DTX4: variants seen among roughly 807,000 people sequenced by gnomAD.
The protein encoded by DTX4 is deltex E3 ubiquitin ligase 4, also known as E3 ubiquitin-protein ligase DTX4.
Under a neutral mutation model 57.6 loss-of-function variants are expected in DTX4, and 28 were observed. The ratio of observed to expected loss-of-function variants is 0.49; its 90% CI spans 0.36 to 0.67. The LOEUF (loss-of-function observed/expected upper bound fraction) is 0.67, where lower values mean the gene tolerates loss of function less well. Ranked by LOEUF, DTX4 falls within the 30% of genes least tolerant of loss-of-function variation. The probability of loss-of-function intolerance (pLI) is 0.00; values close to 1 mark genes in which losing one functional copy is unlikely to be tolerated. For synonymous variants in DTX4, 316 were observed against 331.0 expected (o/e 0.95, Z 0.49); for missense variants, 715 against 836.8 (o/e 0.85, Z 1.80).
Position 59,206,208 on chromosome 11 carries a change from A to G in DTX4, c.*1299A>G, listed in dbSNP as rs1305064552. 3 of 152,296 alleles carry G rather than the reference A, an allele frequency of 2.0e-5. No homozygotes were observed. Among genetic ancestry groups the G allele is most frequent in the African/African-American group, 4.8e-5 (2 of 41,424 alleles). The allele number at this position is 152,296 out of a possible 1,614,324, so 9.4% of individuals were successfully genotyped here. On this transcript the variant is annotated 3_prime_UTR_variant, in exon 9 of 9. Transcript: ENST00000227451. ...GGGTCCCTCATCTCCCTCATCTATT[A>G]TAGATTGACTTACAGCAGGGAGAGA...
chr11:59,172,936 G>GT (rs1437250776), intron 1 of DTX4, 130 bp downstream of exon 1: 1 of 613,578 alleles, frequency 1.6e-6, no homozygotes, highest in East Asian at 3.3e-5. Flanking sequence ...CCAAGAGGTG[G>GT]TGGTGGGAGG....
rs75007399 is a variant in DTX4 at position 59,201,696 on chromosome 11, G to C, written c.1626+1923G>C. Among the ~76,000 whole-genome samples, 3 of 152,132 alleles carry C rather than the reference G, an allele frequency of 2.0e-5. 1 individual carries two copies. In the South Asian group the frequency reaches 6.2e-4, roughly 32 times the overall value. Reference sequence around the variant, plus strand: ...AAGATGTGCGAGTGCAGTGTCCCCAGATTAGGGGTCAGGACCATCCCTGAT... The same window carrying C: ...AAGATGTGCGAGTGCAGTGTCCCCACATTAGGGGTCAGGACCATCCCTGAT... On this transcript the variant is annotated intron_variant, in intron 8 of 8. Coordinates refer to ENST00000227451, the MANE Select transcript of DTX4 (RefSeq NM_015177.2).
chr11:59,200,359 G>T (rs1862726098), intron 8 of DTX4, among the ~76,000 whole-genome samples: 1 of 152,180 alleles, frequency 6.6e-6, no homozygotes, highest in African/African-American at 2.4e-5. Flanking sequence ...ATGTCAGTTT[G>T]TTTCCTCTCT....
chr11:59,191,127 G>T lies in DTX4; in HGVS notation c.1173G>T (p.Glu391Asp). The T allele has an allele frequency of 6.4e-7, 1 of 1,572,220 alleles. No homozygotes were observed. The highest frequency in any genetic ancestry group is 2.4e-5 in the East Asian group (1 of 42,448). The stretch of plus-strand genomic sequence containing the variant: ...CTGTCTCTGCAGGTAAAACCCCAGA[G>T]GAAGTGCTAAAAAAATATCTACAGA... ...KKQAKKGKTP[E>D]EVLKKYLQKV... is the part of the protein sequence containing the mutation. The change falls in exon 5 of 9, where the codon GAG becomes GAT. Residue 391 changes from glutamate (E) to aspartate (D), a missense_variant. By Grantham distance (45) the Glu-to-Asp change is conservative. Transcript: ENST00000227451.
intron 2 of DTX4, among the ~76,000 whole-genome samples, chr11:59,187,690 C>A (rs561596522): frequency 1.3e-5 from 2 of 152,334 alleles, no homozygotes; most frequent in South Asian, 4.1e-4. Context: ...CCAAGCCCAG[C>A]TGCAGGAGTG....
chr11:59,201,078 G>A (rs1293821465), intron 8 of DTX4, among the ~76,000 whole-genome samples: 1 of 152,154 alleles, frequency 6.6e-6, no homozygotes, highest in Admixed American at 6.5e-5. Flanking sequence ...GGCACAGGCG[G>A]GTTTAGTGTC....
chr11:59,202,557 C>T (rs1862752312), intron 8 of DTX4, among the ~76,000 whole-genome samples: 1 of 152,162 alleles, frequency 6.6e-6, no homozygotes, highest in African/African-American at 2.4e-5. Context: ...AAATCCTTCC[C>T]TTCCTTTACT....
intron 6 of DTX4, chr11:59,194,996 A>G (rs1862644237): frequency 1.7e-6 from 1 of 600,530 alleles, no homozygotes. Flanking sequence ...AGCATGGAGC[A>G]TGGGACCAGT....
At chr11:59,204,498 A>G (rs1254750955) in intron 8 of DTX4, among the ~76,000 whole-genome samples, 178 bp from the exon 9 acceptor site, 3 of 152,222 alleles carry the variant, frequency 2.0e-5, no homozygotes, top group East Asian at 3.8e-4. Flanking sequence ...TGACAGAGCC[A>G]GGACTCAGCC....
intron 8 of DTX4, among the ~76,000 whole-genome samples, chr11:59,200,856 T>C (rs1203098820): frequency 1.3e-5 from 2 of 152,248 alleles, no homozygotes; most frequent in Non-Finnish European, 2.9e-5. Flanking sequence ...AGATATATTT[T>C]AGTGAGCTTT....
chr11:59,206,122 GT>G lies in DTX4; in HGVS notation c.*1216del, dbSNP rs1336725310. The G allele has an allele frequency of 6.6e-6, 1 of 152,208 alleles. No individual in the cohort carries two copies. Among genetic ancestry groups the G allele is most frequent in the African/African-American group, 2.4e-5 (1 of 41,442 alleles). The allele number at this position is 152,208 out of a possible 1,614,324, so 9.4% of individuals were successfully genotyped here. A position where few individuals can be genotyped will look rare whatever the true frequency, so the allele number is the denominator to read the frequency against. On this transcript the variant is annotated 3_prime_UTR_variant, in exon 9 of 9. Transcript: ENST00000227451. Reference sequence around the variant, plus strand: ...TCAGAGCTCATCTCCATCCAGTCTTGTTTCTATGAAGGCTTCAATCTGTTTC... The same window carrying G: ...TCAGAGCTCATCTCCATCCAGTCTTGTTCTATGAAGGCTTCAATCTGTTTC...
chr11:59,200,439 TCCTGGGACCAGCGCC>T (rs1437357686), intron 8 of DTX4, among the ~76,000 whole-genome samples: 1 of 152,132 alleles, frequency 6.6e-6, no homozygotes, highest in Non-Finnish European at 1.5e-5. Context: ...TAAACGCTGG[TCCTGGGACCAGCGCC>T]AGTGGCACCA....
intron 1 of DTX4, among the ~76,000 whole-genome samples, chr11:59,177,567 C>A (rs898231441): frequency 2.0e-5 from 3 of 152,178 alleles, no homozygotes; most frequent in African/African-American, 7.2e-5. Context: ...ACATTTCAGA[C>A]CTTCCATACC....
chr11:59,202,935 C>T (rs1337679854), intron 8 of DTX4, among the ~76,000 whole-genome samples: 2 of 152,186 alleles, frequency 1.3e-5, no homozygotes, highest in African/African-American at 2.4e-5. Context: ...CAAACCTGTA[C>T]ACCATGTTAT....
rs769396895 is a variant in DTX4, at chr11:59,189,221, A to C, written c.1057A>C (p.Lys353Gln). The C allele has an allele frequency of 4.3e-6, 7 of 1,613,496 alleles. No individual in the cohort carries two copies. The East Asian group carries it at 1.6e-4, about 36-fold the overall frequency. ...GCCTGTGTGTCTCACCAGGCCACCA[A>C]AGCTGGTCCTACACCCACCCCCCGT... ...GLPVCLTRPPKLVLHPPPVSK... is the reference protein window; with the variant it reads ...GLPVCLTRPPQLVLHPPPVSK... Residue 353 changes from lysine (K) to glutamine (Q), a missense_variant, in exon 4 of 9, where the codon AAG becomes CAG. Transcript: ENST00000227451.
At chr11:59,178,197 A>G (rs1394065312) in intron 1 of DTX4, among the ~76,000 whole-genome samples, 2 of 152,106 alleles carry the variant, frequency 1.3e-5, no homozygotes, top group South Asian at 2.1e-4. Context: ...AAGCCTGGCA[A>G]TGAGGAGAGA....
chr11:59,176,031 A>G (rs1444921588), intron 1 of DTX4, among the ~76,000 whole-genome samples: 2 of 152,200 alleles, frequency 1.3e-5, no homozygotes, highest in Non-Finnish European at 2.9e-5. Context: ...GCACAGGGTA[A>G]AGGAGCGTTC....
At chr11:59,196,801 T>C (rs761927802) in intron 7 of DTX4, among the ~76,000 whole-genome samples, 9 of 152,154 alleles carry the variant, frequency 5.9e-5, no homozygotes, top group Non-Finnish European at 8.8e-5. Context: ...GATGAGGCCA[T>C]CTAGTTGCAG....
Position 59,188,783 on chromosome 11 carries a change from C to A in DTX4, c.984C>A (p.Asn328Lys). The change falls in exon 3 of 9, where the codon AAC (asparagine) becomes AAA (lysine). Residue 328 changes from asparagine to lysine, a missense_variant. By Grantham distance (94) the Asn-to-Lys change is moderately conservative. Coordinates refer to ENST00000227451, the MANE Select transcript of DTX4 (RefSeq NM_015177.2). ...VKNLNGSSPVNPALAGITGIL... is the reference protein window; with the variant it reads ...VKNLNGSSPVKPALAGITGIL... ...ACCTAAATGGGTCCAGTCCTGTCAACCCTGCCTTGGCAGGTAAGAGAAACC... is the reference window on the plus strand; with the variant it reads ...ACCTAAATGGGTCCAGTCCTGTCAAACCTGCCTTGGCAGGTAAGAGAAACC... The A allele has an allele frequency of 6.2e-7, 1 of 1,613,924 alleles. No homozygotes were observed. Among genetic ancestry groups the A allele is most frequent in the Non-Finnish European group, 8.5e-7 (1 of 1,179,826 alleles).
Sources: allele counts gnomAD v4.1 joint callset (sites outside exome capture counted in the v4.1 genomes callset), GRCh38; gene constraint gnomAD v4.1.1; transcripts MANE v1.5; gene names NCBI Gene and HGNC (gene_info 2026-07-23, HGNC 2026-07-21).